Variants in STON2 observed in about 807,000 individuals in gnomAD.
STON2 encodes the protein stonin-2.
In STON2, 29 loss-of-function variants were observed where a neutral mutation model predicts 65.7. That is an observed-to-expected ratio of 0.44 (90% confidence interval 0.33 to 0.60). The LOEUF (loss-of-function observed/expected upper bound fraction) is 0.60. Among genes scored for constraint, STON2 ranks in the 20% least tolerant of loss-of-function variants. The pLI, the probability that STON2 is intolerant of heterozygous loss-of-function variation, is 0.03. For missense variants in STON2, 1,054 were observed against 1,118.1 expected (o/e 0.94, Z 0.82); for synonymous variants, 404 against 414.2 (o/e 0.98, Z 0.30).
chr14:81,431,298 T>C (rs1185121189), intron 1 of STON2, among the ~76,000 whole-genome samples: 1 of 152,182 alleles, frequency 6.6e-6, no homozygotes, highest in African/African-American at 2.4e-5. Context: ...CTCACTTCAT[T>C]TTATAATATG....
chr14:81,266,845 C>A lies in STON2; in HGVS notation c.*1569G>T. ...ACACACAAACACACACATCCACAAA[C>A]ACACACTCCACTCTGTACTTAGAGG... On this transcript the variant is annotated 3_prime_UTR_variant, in exon 8 of 8. Coordinates refer to ENST00000614646, the MANE Select transcript of STON2 (RefSeq NM_001394390.1). 1 of 981,674 alleles carries A rather than the reference C, an allele frequency of 1.0e-6. No homozygotes were observed. The highest frequency in any genetic ancestry group is 1.2e-6 in the Non-Finnish European group (1 of 826,766). The allele number at this position is 981,674 out of a possible 1,614,324, so 60.8% of individuals were successfully genotyped here. A position where few individuals can be genotyped will look rare whatever the true frequency, so the allele number is the denominator to read the frequency against.
At chr14:81,378,522 T>C (rs544934630) in intron 3 of STON2, among the ~76,000 whole-genome samples, 256 of 152,344 alleles carry the variant, frequency 1.7e-3, no homozygotes, top group African/African-American at 5.9e-3. Context: ...GGCCTGATAC[T>C]AGTCCTTTGT....
intron 5 of STON2, among the ~76,000 whole-genome samples, chr14:81,282,173 A>C (rs1257007287): frequency 6.6e-6 from 1 of 152,196 alleles, no homozygotes; most frequent in Non-Finnish European, 1.5e-5. Context: ...ACATGAAAAA[A>C]CCTGAATGCC....
At chr14:81,396,645 G>C (rs1461355199) in intron 2 of STON2, among the ~76,000 whole-genome samples, 1 of 152,160 alleles carries the variant, frequency 6.6e-6, no homozygotes, top group Admixed American at 6.5e-5. Context: ...CAGGACACCA[G>C]GTGCAAACCC....
At chr14:81,281,022 A>G (rs906780020) in intron 5 of STON2, among the ~76,000 whole-genome samples, 11 of 151,828 alleles carry the variant, frequency 7.2e-5, no homozygotes, top group Non-Finnish European at 1.2e-4. Context: ...AAAAAAAAAA[A>G]AAAAGAAAAG....
At chr14:81,325,624 A>G (rs1031164087) in intron 4 of STON2, among the ~76,000 whole-genome samples, 15 of 152,110 alleles carry the variant, frequency 9.9e-5, no homozygotes, top group Non-Finnish European at 2.1e-4. Flanking sequence ...TATAAAGCAT[A>G]TATGACTACC....
At chr14:81,369,031 T>C (rs903251333) in intron 4 of STON2, among the ~76,000 whole-genome samples, 1 of 152,180 alleles carries the variant, frequency 6.6e-6, no homozygotes, top group Non-Finnish European at 1.5e-5. Flanking sequence ...ATCTACTAGT[T>C]GGAAACACCA....
At chr14:81,298,445 A>G (rs1174860857) in intron 5 of STON2, among the ~76,000 whole-genome samples, 1 of 151,640 alleles carries the variant, frequency 6.6e-6, no homozygotes, top group Non-Finnish European at 1.5e-5. Context: ...TTTAAAAGCC[A>G]AACTTACTAA....
chr14:81,277,284 C>A lies in STON2; in HGVS notation c.2198G>T (p.Arg733Leu). 6.2e-7 allele frequency: 1 copy of A among 1,614,122 alleles called. No individual in the cohort carries two copies. The highest frequency in any genetic ancestry group is 8.5e-7 in the Non-Finnish European group (1 of 1,180,022). ...PLDACRFELM[R>L]FRTVFAEKTL... ...CTTCTCAGCAAACACTGTCCTGAACCGCATTAGCTCAAACCGGCACGCATC... is the reference window on the plus strand; with the variant it reads ...CTTCTCAGCAAACACTGTCCTGAACAGCATTAGCTCAAACCGGCACGCATC... Residue 733 changes from arginine to leucine, a missense_variant, in exon 6 of 8, where the codon CGG (arginine) becomes CTG (leucine). By Grantham distance (102) the Arg-to-Leu change is moderately radical. Coordinates refer to ENST00000614646, the MANE Select transcript of STON2 (RefSeq NM_001394390.1).
rs1016124387 is a variant in STON2, at chr14:81,264,585, C to T, written c.*3829G>A. 3.0e-6 allele frequency: 3 copies of T among 984,714 alleles called. No homozygotes were observed. In the African/African-American group the frequency reaches 5.2e-5, roughly 17 times the overall value. 61.0% of individuals were successfully genotyped at this position (984,714 alleles called of 1,614,324 possible). On this transcript the variant is annotated 3_prime_UTR_variant, in exon 8 of 8. Transcript: ENST00000614646. ...CTTCATGGATCCCATTTATCAGAAA[C>T]ATAAGTTTCTAGGGAAATAAACTCT...
intron 3 of STON2, among the ~76,000 whole-genome samples, chr14:81,393,398 G>T (rs533929652): frequency 6.6e-6 from 1 of 152,144 alleles, no homozygotes; most frequent in South Asian, 2.1e-4. Context: ...GGGAGCAGAG[G>T]ATACTAGAGC....
At position 81,424,343 on chromosome 14, in the gene STON2, C is replaced by A. The variant is rs544711632; in HGVS notation, c.-199+2759G>T. ...CCTAAAACCCCAGCTACTTGGGAGG[C>A]TGAGGCAAGAGAATCGCTTGAACAC... On this transcript the variant is annotated intron_variant, in intron 2 of 8. Coordinates refer to the STON2 transcript ENST00000553821. Among the ~76,000 whole-genome samples, 85 of 152,176 alleles carry A rather than the reference C, an allele frequency of 5.6e-4. 4 individuals are homozygous for A. In the South Asian group the frequency reaches 0.016, roughly 28 times the overall value.
intron 4 of STON2, among the ~76,000 whole-genome samples, chr14:81,345,213 G>C (rs1897765842): frequency 6.6e-6 from 1 of 152,222 alleles, no homozygotes; most frequent in Non-Finnish European, 1.5e-5. Flanking sequence ...GGGCTGAATT[G>C]TGTCCCACAC....
intron 2 of STON2, among the ~76,000 whole-genome samples, chr14:81,415,412 A>C (rs1901380037): frequency 6.6e-6 from 1 of 152,096 alleles, no homozygotes; most frequent in South Asian, 2.1e-4. Flanking sequence ...GTTCACAGAC[A>C]ATTCATTGAC....
chr14:81,293,526 A>C (rs1484004297), intron 5 of STON2, among the ~76,000 whole-genome samples: 1 of 152,190 alleles, frequency 6.6e-6, no homozygotes, highest in Admixed American at 6.5e-5. Flanking sequence ...GGAGATAACA[A>C]AAATGGCCAC....
At chr14:81,275,316 T>C (rs1362892282) in intron 6 of STON2, among the ~76,000 whole-genome samples, 1 of 152,128 alleles carries the variant, frequency 6.6e-6, no homozygotes, top group Non-Finnish European at 1.5e-5. Flanking sequence ...CAGTGATATA[T>C]TAAGAAAAGG....
intron 5 of STON2, among the ~76,000 whole-genome samples, chr14:81,322,935 G>A (rs747169941): frequency 8.5e-5 from 13 of 152,128 alleles, no homozygotes; most frequent in Non-Finnish European, 1.9e-4. Context: ...ATCTGGCATA[G>A]GTCAAACCTT....
At chr14:81,402,774 C>T (rs1351156256), upstream of STON2, among the ~76,000 whole-genome samples, 2 of 152,194 alleles carry the variant, frequency 1.3e-5, no homozygotes, top group African/African-American at 4.8e-5. Flanking sequence ...AGTTGCAAGT[C>T]TCCTACCTGT....
Position 81,263,934 on chromosome 14 carries a change from T to C in STON2, c.*4480A>G. 2 of 985,430 alleles carry C rather than the reference T, an allele frequency of 2.0e-6. No homozygotes were observed. The highest frequency in any genetic ancestry group is 2.4e-6 in the Non-Finnish European group (2 of 829,932). 61.0% of individuals were successfully genotyped at this position (985,430 alleles called of 1,614,324 possible). On this transcript the variant is annotated 3_prime_UTR_variant, in exon 8 of 8. Coordinates refer to ENST00000614646, the MANE Select transcript of STON2 (RefSeq NM_001394390.1). ...TGACTTTATCTCACAAATTTTGACC[T>C]TACTATCTCAGACCTCCATCTTACT...
Sources: allele counts gnomAD v4.1 joint callset (sites outside exome capture counted in the v4.1 genomes callset), GRCh38; gene constraint gnomAD v4.1.1; transcripts MANE v1.5; gene names NCBI Gene and HGNC (gene_info 2026-07-23, HGNC 2026-07-21).